Variants in OSBPL9 observed in about 807,000 individuals in gnomAD.
OSBPL9 encodes the protein oxysterol-binding protein-related protein 9.
OSBPL9 carries 40 observed loss-of-function variants against 106.6 expected under a neutral mutation model. The ratio of observed to expected loss-of-function variants is 0.38; its 90% CI spans 0.29 to 0.49. The LOEUF (loss-of-function observed/expected upper bound fraction) is 0.49. Ranked by LOEUF, OSBPL9 falls within the 20% of genes least tolerant of loss-of-function variation. The pLI, the probability that OSBPL9 is intolerant of heterozygous loss-of-function variation, is 0.97. For synonymous variants in OSBPL9, 269 were observed against 295.4 expected (o/e 0.91, Z 0.92); for missense variants, 609 against 887.2 (o/e 0.69, Z 3.98).
At chr1:51,772,022 T>C (rs1674019588) in intron 12 of OSBPL9, 48 bp from the exon 13 acceptor site, 2 of 1,418,262 alleles carry the variant, frequency 1.4e-6, no homozygotes, top group Non-Finnish European at 2.0e-6. Context: ...TTACTATGAT[T>C]CTAAATTGCT....
intron 2 of OSBPL9, among the ~76,000 whole-genome samples, chr1:51,655,287 A>G (rs1034825279): frequency 6.6e-6 from 1 of 151,978 alleles, no homozygotes; most frequent in South Asian, 2.1e-4. Context: ...ATTCCTTGTG[A>G]TTGTAGAACT....
intron 1 of OSBPL9, among the ~76,000 whole-genome samples, chr1:51,585,778 AAAAT>A (rs953079094): frequency 1.3e-4 from 20 of 151,976 alleles, no homozygotes; most frequent in East Asian, 9.7e-4. Context: ...TCCATCTCAA[AAAAT>A]AAATAAATAA....
At chr1:51,743,362 A>G (rs1557782308) in intron 4 of OSBPL9, among the ~76,000 whole-genome samples, 2 of 152,232 alleles carry the variant, frequency 1.3e-5, no homozygotes, top group African/African-American at 2.4e-5. Context: ...TGAGGTTTAT[A>G]TGATTCTACA....
intron 18 of OSBPL9, 72 bp downstream of exon 18, chr1:51,784,097 A>T: frequency 6.9e-7 from 1 of 1,451,752 alleles, no homozygotes. Flanking sequence ...ACTAGATGTC[A>T]TTGTTAGCAA....
At chr1:51,623,890 A>T (rs573505986) in intron 1 of OSBPL9, among the ~76,000 whole-genome samples, 1 of 152,136 alleles carries the variant, frequency 6.6e-6, no homozygotes, top group Non-Finnish European at 1.5e-5. Flanking sequence ...TCTTGAATAT[A>T]TCAAATATGA....
At chr1:51,771,010 T>C (rs1215633022) in intron 12 of OSBPL9, among the ~76,000 whole-genome samples, 4 of 152,168 alleles carry the variant, frequency 2.6e-5, no homozygotes, top group African/African-American at 7.2e-5. Flanking sequence ...GTAAGAAATA[T>C]ACCTCTCTGG....
chr1:51,643,915 A>C (rs1392753233), intron 1 of OSBPL9, among the ~76,000 whole-genome samples: 2 of 151,384 alleles, frequency 1.3e-5, no homozygotes, highest in African/African-American at 4.9e-5. Context: ...CCCCTTCTCT[A>C]CAAGGAAAAA....
intron 1 of OSBPL9, among the ~76,000 whole-genome samples, chr1:51,629,663 A>C (rs191276464): frequency 5.6e-4 from 85 of 152,250 alleles, no homozygotes; most frequent in Non-Finnish European, 6.3e-4. Context: ...AAATTCACTA[A>C]TGTGGCTCGG....
At chr1:51,561,403 T>C in the OSBPL9 span, 5 of 152,250 alleles carry the variant, frequency 3.3e-5, no homozygotes, top group Admixed American at 2.6e-4. Context: ...ATATTATTGA[T>C]GCTTGCTCAT....
the OSBPL9 span, among the ~76,000 whole-genome samples, chr1:51,537,591 C>G: frequency 6.6e-6 from 1 of 152,134 alleles, no homozygotes; most frequent in Non-Finnish European, 1.5e-5. Flanking sequence ...GGGTCTCACT[C>G]TGTTGCCCAG....
intron 1 of OSBPL9, among the ~76,000 whole-genome samples, chr1:51,629,677 A>G (rs559520846): frequency 6.6e-6 from 1 of 152,236 alleles, no homozygotes; most frequent in South Asian, 2.1e-4. Flanking sequence ...GGCTCGGTGC[A>G]GTGGCTCATG....
chr1:51,674,772 A>G (rs1184413694), intron 3 of OSBPL9, among the ~76,000 whole-genome samples: 3 of 152,204 alleles, frequency 2.0e-5, no homozygotes, highest in Non-Finnish European at 2.9e-5. Context: ...ATTGTGTTGT[A>G]GTTGCCCTCA....
intron 2 of OSBPL9, among the ~76,000 whole-genome samples, chr1:51,604,356 G>C (rs540698552): frequency 9.4e-4 from 143 of 152,210 alleles, no homozygotes; most frequent in Non-Finnish European, 1.5e-3. Context: ...AGGAGTGCAA[G>C]GCCAGCCTGA....
intron 2 of OSBPL9, among the ~76,000 whole-genome samples, chr1:51,654,333 TG>T (rs987526897): frequency 6.6e-6 from 1 of 152,258 alleles, no homozygotes; most frequent in Non-Finnish European, 1.5e-5. Context: ...GCTATCATTT[TG>T]TTTTAATTTT....
At chr1:51,573,533 A>AT (rs1557571623), upstream of OSBPL9, among the ~76,000 whole-genome samples, 19 of 147,956 alleles carry the variant, frequency 1.3e-4, no homozygotes, top group African/African-American at 4.5e-4. Flanking sequence ...AAAAAAAAAA[A>AT]GGCCAGGCAC....
intron 4 of OSBPL9, among the ~76,000 whole-genome samples, chr1:51,722,407 A>G (rs1662327586): frequency 6.6e-6 from 1 of 152,246 alleles, no homozygotes; most frequent in Non-Finnish European, 1.5e-5. Flanking sequence ...TGGTACTGAA[A>G]GGCTCATATA....
intron 22 of OSBPL9, among the ~76,000 whole-genome samples, chr1:51,786,947 C>T (rs1371751232): frequency 6.6e-6 from 1 of 152,040 alleles, no homozygotes; most frequent in East Asian, 1.9e-4. Flanking sequence ...TTGTTAAATC[C>T]AAGGGAGTTT....
At chr1:51,528,208 A>G in the OSBPL9 span, among the ~76,000 whole-genome samples, 8,064 of 151,938 alleles carry the variant, frequency 0.053, 691 homozygotes, top group African/African-American at 0.18. Flanking sequence ...AAAATAAAAA[A>G]CATCCATATT....
At chr1:51,721,759 G>A (rs571835695) in intron 4 of OSBPL9, among the ~76,000 whole-genome samples, 1 of 152,242 alleles carries the variant, frequency 6.6e-6, no homozygotes, top group African/African-American at 2.4e-5. Context: ...AGAAAAATAG[G>A]TGTATTCGTT....
Sources: allele counts gnomAD v4.1 joint callset (sites outside exome capture counted in the v4.1 genomes callset), GRCh38; gene constraint gnomAD v4.1.1; transcripts MANE v1.5; gene names NCBI Gene and HGNC (gene_info 2026-07-23, HGNC 2026-07-21).